The following LURAP1L variants were observed in gnomAD, a reference collection of about 807,000 sequenced individuals.
The protein encoded by LURAP1L is leucine rich adaptor protein 1-like.
A neutral mutation model predicts 13.8 loss-of-function variants in LURAP1L; 12 were observed. The observed-to-expected ratio is 0.87, with a 90% CI of 0.56 to 1.41. The LOEUF (loss-of-function observed/expected upper bound fraction) is 1.41, where lower values mean the gene tolerates loss of function less well. Ranked by LOEUF, LURAP1L falls within the 40% of genes most tolerant of loss-of-function variation. LURAP1L has a pLI of 0.00. For synonymous variants in LURAP1L, 139 were observed against 119.2 expected (o/e 1.17, Z -1.08); for missense variants, 375 against 292.9 (o/e 1.28, Z -2.04).
chr9:12,796,807 C>A (rs1347770973), intron 1 of LURAP1L, among the ~76,000 whole-genome samples: 10 of 151,908 alleles, frequency 6.6e-5, no homozygotes, highest in Non-Finnish European at 1.2e-4. Context: ...TGAATCCCAG[C>A]CCCTTCACTT....
At chr9:12,796,636 A>G (rs1306172799) in intron 1 of LURAP1L, among the ~76,000 whole-genome samples, 2 of 152,028 alleles carry the variant, frequency 1.3e-5, no homozygotes, top group Non-Finnish European at 2.9e-5. Context: ...TCCTTTTACG[A>G]TAAAATTTTG....
intron 1 of LURAP1L, among the ~76,000 whole-genome samples, chr9:12,782,701 A>G (rs1178951149): frequency 6.6e-6 from 1 of 152,066 alleles, no homozygotes; most frequent in Non-Finnish European, 1.5e-5. Context: ...TTGGCTATTC[A>G]GGTTCTTTTC....
chr9:12,778,341 G>A (rs1819220570), intron 1 of LURAP1L, among the ~76,000 whole-genome samples: 1 of 152,082 alleles, frequency 6.6e-6, no homozygotes, highest in South Asian at 2.1e-4. Context: ...ACTAGTGTGT[G>A]GCACTGAACA....
intron 1 of LURAP1L, among the ~76,000 whole-genome samples, chr9:12,795,742 C>T (rs1819503733): frequency 6.6e-6 from 1 of 151,998 alleles, no homozygotes; most frequent in Non-Finnish European, 1.5e-5. Flanking sequence ...TATTTTGGCA[C>T]ACTTACTCTA....
At position 12,775,282 on chromosome 9, in the gene LURAP1L, C is replaced by A. The variant is rs1819151084; in HGVS notation, c.-434C>A. 6.4e-6 allele frequency: 1 copy of A among 156,426 alleles called. No homozygotes were observed. The highest frequency in any genetic ancestry group is 2.4e-5 in the African/African-American group (1 of 41,606). 9.7% of individuals were successfully genotyped at this position (156,426 alleles called of 1,614,324 possible). A position where few individuals can be genotyped will look rare whatever the true frequency, so the allele number is the denominator to read the frequency against. ...TGTCGCGTAGTACCAGATGGGCAGTCAGTGAGCGGCGCAGGGATGTGAACG... is the reference window on the plus strand; with the variant it reads ...TGTCGCGTAGTACCAGATGGGCAGTAAGTGAGCGGCGCAGGGATGTGAACG... On this transcript the variant is annotated 5_prime_UTR_variant, in exon 1 of 2. Transcript: ENST00000319264.
intron 1 of LURAP1L, among the ~76,000 whole-genome samples, chr9:12,802,522 C>T (rs1188531455): frequency 6.6e-6 from 1 of 152,194 alleles, no homozygotes; most frequent in Non-Finnish European, 1.5e-5. Flanking sequence ...TTCCTGAGGC[C>T]TCTCCAGAAG....
chr9:12,787,976 G>C (rs1311979901), intron 1 of LURAP1L, among the ~76,000 whole-genome samples: 2 of 152,084 alleles, frequency 1.3e-5, no homozygotes, highest in East Asian at 3.9e-4. Flanking sequence ...GCCGGGTGTG[G>C]TGGTAGGTGC....
In LURAP1L at chr9:12,821,851, T is replaced by C; in HGVS notation, c.*91T>C. 1 of 1,443,026 alleles carries C rather than the reference T, an allele frequency of 6.9e-7. No homozygotes were observed. The highest frequency in any genetic ancestry group is 9.3e-7 in the Non-Finnish European group (1 of 1,078,476). 89.4% of individuals were successfully genotyped at this position (1,443,026 alleles called of 1,614,324 possible). ...ATTTTTGGTGTGATTTTTATTTTAA[T>C]AAGATGACCTTTTTAAAAGAAGCTG... On this transcript the variant is annotated 3_prime_UTR_variant, in exon 2 of 2. Coordinates refer to ENST00000319264, the MANE Select transcript of LURAP1L (RefSeq NM_203403.2).
rs184198013 is a variant in LURAP1L at position 12,789,323 on chromosome 9, C to T, written c.312+13296C>T. On this transcript the variant is annotated intron_variant, in intron 1 of 1. Coordinates refer to ENST00000319264, the MANE Select transcript of LURAP1L (RefSeq NM_203403.2). ...TAAGCATTAGTGTTTTTGCTCTTCA[C>T]GTTTGATTAGTGGTTTATCTCTTTG... 1.6e-3 allele frequency among the ~76,000 whole-genome samples: 239 copies of T among 152,202 alleles called. 2 individuals are homozygous for T. Among genetic ancestry groups the T allele is most frequent in the East Asian group, 9.5e-3 (49 of 5,176 alleles).
chr9:12,786,730 C>T (rs1239685309), intron 1 of LURAP1L, among the ~76,000 whole-genome samples: 1 of 150,974 alleles, frequency 6.6e-6, no homozygotes, highest in Non-Finnish European at 1.5e-5. Flanking sequence ...TATTTGATTC[C>T]TCAACTGAAG....
At chr9:12,776,307 G>T (rs1340591645) in intron 1 of LURAP1L, among the ~76,000 whole-genome samples, 1 of 152,146 alleles carries the variant, frequency 6.6e-6, no homozygotes, top group African/African-American at 2.4e-5. Flanking sequence ...CACTGCGCCG[G>T]GCTCTATTTA....
At chr9:12,783,841 T>A (rs1427298342) in intron 1 of LURAP1L, among the ~76,000 whole-genome samples, 24 of 151,466 alleles carry the variant, frequency 1.6e-4, no homozygotes, top group Non-Finnish European at 2.9e-5. Flanking sequence ...TTTTTTTTTT[T>A]TAATAATTTT....
At chr9:12,816,058 A>G (rs1389708414) in intron 1 of LURAP1L, among the ~76,000 whole-genome samples, 2 of 152,200 alleles carry the variant, frequency 1.3e-5, no homozygotes, top group African/African-American at 4.8e-5. Flanking sequence ...TTTTCTCATA[A>G]CGTAAACAAT....
intron 1 of LURAP1L, chr9:12,777,338 T>C: frequency 1.0e-6 from 1 of 985,410 alleles, no homozygotes; most frequent in Non-Finnish European, 1.2e-6. Flanking sequence ...GGATGCCTGA[T>C]ACCGTATCAC....
chr9:12,789,674 A>G (rs926222742), intron 1 of LURAP1L, among the ~76,000 whole-genome samples: 1 of 152,202 alleles, frequency 6.6e-6, no homozygotes, highest in Non-Finnish European at 1.5e-5. Flanking sequence ...GGGAGTTGAC[A>G]ACTACTTTAA....
At chr9:12,812,996 T>G (rs1819758390) in intron 1 of LURAP1L, among the ~76,000 whole-genome samples, 1 of 152,148 alleles carries the variant, frequency 6.6e-6, no homozygotes, top group African/African-American at 2.4e-5. Context: ...ATCTCAAATT[T>G]TATTCAATGG....
intron 1 of LURAP1L, among the ~76,000 whole-genome samples, chr9:12,789,084 C>CA (rs1342177447): frequency 1.6e-4 from 20 of 128,772 alleles, no homozygotes; most frequent in Middle Eastern, 3.5e-3. Context: ...TCCCCCAGCA[C>CA]CCCCCCAAAA....
intron 1 of LURAP1L, among the ~76,000 whole-genome samples, chr9:12,790,998 A>G (rs962057590): frequency 1.3e-5 from 2 of 152,166 alleles, no homozygotes. Context: ...ATCAATCACT[A>G]GGGCATTAAT....
At position 12,817,008 on chromosome 9, in the gene LURAP1L, G is replaced by A. The variant is rs541737134; in HGVS notation, c.313-4378G>A. Among the ~76,000 whole-genome samples, 9 of 152,106 alleles carry A rather than the reference G, an allele frequency of 5.9e-5. 1 individual carries two copies. In the East Asian group the frequency reaches 1.4e-3, roughly 23 times the overall value. ...AGAACACCCATGCTGTGCTAGTATCGGTTATCACCTCTGAACAAATAGAAT... is the reference window on the plus strand; with the variant it reads ...AGAACACCCATGCTGTGCTAGTATCAGTTATCACCTCTGAACAAATAGAAT... On this transcript the variant is annotated intron_variant, in intron 1 of 1. Transcript: ENST00000319264.
Sources: allele counts gnomAD v4.1 joint callset (sites outside exome capture counted in the v4.1 genomes callset), GRCh38; gene constraint gnomAD v4.1.1; transcripts MANE v1.5; gene names NCBI Gene and HGNC (gene_info 2026-07-23, HGNC 2026-07-21).